The following RAD51B variants were observed in gnomAD, a reference collection of about 807,000 sequenced individuals.
RAD51B encodes the protein DNA repair protein RAD51 homolog 2.
In RAD51B, 38 loss-of-function variants were observed where a neutral mutation model predicts 42.2. That is an observed-to-expected ratio of 0.90 (90% CI 0.70 to 1.18). The LOEUF is 1.18. Ranked by LOEUF, RAD51B falls within the 50% of genes most tolerant of loss-of-function variation. The pLI is 0.00. For synonymous variants in RAD51B, 154 were observed against 145.2 expected, an observed-to-expected ratio of 1.06 and a Z score of -0.43; for missense variants, 373 against 400.7, an observed-to-expected ratio of 0.93 and a Z score of 0.59.
chr14:68,386,814 C>T (rs1305724544), intron 8 of RAD51B, among the ~76,000 whole-genome samples: 1 of 152,190 alleles, frequency 6.6e-6, no homozygotes, highest in Non-Finnish European at 1.5e-5. Flanking sequence ...TTAGTCCTTC[C>T]TTTCCAACTT....
chr14:68,647,992 T>C (rs1191647158), intron 10 of RAD51B, among the ~76,000 whole-genome samples: 1 of 137,246 alleles, frequency 7.3e-6, no homozygotes, highest in African/African-American at 2.7e-5. Context: ...GATTAGTTTT[T>C]TAAAAATTGA....
chr14:67,879,154 A>C (rs1015949279), intron 5 of RAD51B, among the ~76,000 whole-genome samples: 1 of 152,260 alleles, frequency 6.6e-6, no homozygotes, highest in Admixed American at 6.5e-5. Context: ...GCTGTTGGAA[A>C]GGGCAGGCTA....
At chr14:68,033,041 G>A (rs536899795) in intron 7 of RAD51B, among the ~76,000 whole-genome samples, 21 of 152,188 alleles carry the variant, frequency 1.4e-4, no homozygotes, top group African/African-American at 4.8e-4. Context: ...TCTGTGGTCT[G>A]TTCTTTATTA....
chr14:68,243,806 A>G (rs1463229331), intron 7 of RAD51B, among the ~76,000 whole-genome samples: 8 of 152,236 alleles, frequency 5.3e-5, no homozygotes. Flanking sequence ...TACTGGAAAC[A>G]ACTGACCTTT....
intron 7 of RAD51B, among the ~76,000 whole-genome samples, chr14:68,205,049 G>A (rs2079558616): frequency 6.6e-6 from 1 of 152,108 alleles, no homozygotes; most frequent in East Asian, 1.9e-4. Context: ...TGTTAGCAGT[G>A]GTTATATATA....
chr14:67,973,586 A>G (rs545614341), intron 7 of RAD51B, among the ~76,000 whole-genome samples: 135 of 152,300 alleles, frequency 8.9e-4, no homozygotes, highest in Non-Finnish European at 1.7e-3. Flanking sequence ...ACCACATAGG[A>G]CAAATTGAAT....
chr14:68,269,297 C>T (rs752014694), intron 7 of RAD51B, among the ~76,000 whole-genome samples: 5 of 152,242 alleles, frequency 3.3e-5, no homozygotes, highest in Admixed American at 6.5e-5. Flanking sequence ...CTCCCACACT[C>T]TTGCAACCAA....
At chr14:68,650,305 G>A (rs548307918) in intron 10 of RAD51B, among the ~76,000 whole-genome samples, 9 of 152,240 alleles carry the variant, frequency 5.9e-5, no homozygotes, top group African/African-American at 2.2e-4. Flanking sequence ...AATCCTACAT[G>A]TGACTCTTCT....
intron 7 of RAD51B, among the ~76,000 whole-genome samples, chr14:67,942,663 C>T (rs188991717): frequency 4.5e-4 from 69 of 152,176 alleles, no homozygotes; most frequent in Admixed American, 4.2e-3. Context: ...GCAGGAGTAA[C>T]GTCAATACGT....
At chr14:68,388,867 T>G (rs1185489903) in intron 8 of RAD51B, among the ~76,000 whole-genome samples, 2 of 152,170 alleles carry the variant, frequency 1.3e-5, no homozygotes, top group Admixed American at 1.3e-4. Context: ...AAAACTTGGA[T>G]TTTCAGAGTC....
chr14:68,000,064 GAACA>G (rs754892355), intron 7 of RAD51B, among the ~76,000 whole-genome samples: 4 of 151,986 alleles, frequency 2.6e-5, no homozygotes, highest in East Asian at 3.8e-4. Flanking sequence ...AAGAAAAAAA[GAACA>G]AACAGAAAGT....
intron 3 of RAD51B, among the ~76,000 whole-genome samples, chr14:67,829,484 C>T (rs978620894): frequency 1.1e-4 from 16 of 152,170 alleles, no homozygotes; most frequent in South Asian, 4.1e-4. Context: ...CCTCATGATC[C>T]GCCCGCCTCG....
chr14:68,495,258 C>A (rs959736266), intron 10 of RAD51B, among the ~76,000 whole-genome samples: 1 of 152,194 alleles, frequency 6.6e-6, no homozygotes, highest in African/African-American at 2.4e-5. Context: ...ATCCTGCCCA[C>A]CCCACTTGCT....
At chr14:67,849,562 C>T (rs890594719) in intron 4 of RAD51B, among the ~76,000 whole-genome samples, 9 of 152,324 alleles carry the variant, frequency 5.9e-5, no homozygotes, top group Middle Eastern at 3.4e-3. Context: ...GGATTACAGG[C>T]GTGAGCCACT....
At chr14:68,110,426 A>G (rs1208162010) in intron 7 of RAD51B, among the ~76,000 whole-genome samples, 3 of 152,076 alleles carry the variant, frequency 2.0e-5, no homozygotes, top group Non-Finnish European at 2.9e-5. Context: ...CATCTGTCTC[A>G]AGATTGTTTC....
At chr14:68,221,914 ATGGCCAATAAGCATATGGAAAAAATGC>A (rs2079935920) in intron 7 of RAD51B, among the ~76,000 whole-genome samples, 1 of 152,226 alleles carries the variant, frequency 6.6e-6, no homozygotes, top group African/African-American at 2.4e-5. Flanking sequence ...AGATATACAA[ATGGCCAATAAGCATATGGAAAAAATGC>A]TCAACACCAC....
At chr14:68,050,716 CT>C (rs1223127055) in intron 7 of RAD51B, among the ~76,000 whole-genome samples, 3 of 152,232 alleles carry the variant, frequency 2.0e-5, no homozygotes, top group East Asian at 1.9e-4. Flanking sequence ...TCTCTTCCCC[CT>C]CTCCCCACCA....
chr14:67,896,020 C>T (rs1306714089), intron 7 of RAD51B, among the ~76,000 whole-genome samples: 4 of 152,164 alleles, frequency 2.6e-5, no homozygotes, highest in African/African-American at 9.7e-5. Context: ...ATTTGCCTTG[C>T]AGTGTCACTT....
At chr14:68,608,047 T>A (rs1891523587) in intron 10 of RAD51B, among the ~76,000 whole-genome samples, 1 of 152,200 alleles carries the variant, frequency 6.6e-6, no homozygotes, top group South Asian at 2.1e-4. Flanking sequence ...CTGAGAGGCC[T>A]GAGAAAGGAC....
Sources: allele counts gnomAD v4.1 joint callset (sites outside exome capture counted in the v4.1 genomes callset), GRCh38; gene constraint gnomAD v4.1.1; transcripts MANE v1.5; gene names NCBI Gene and HGNC (gene_info 2026-07-23, HGNC 2026-07-21).